The following STS variants were observed in gnomAD, a reference collection of about 807,000 sequenced individuals.
STS encodes steryl-sulfatase.
STS carries 7 observed loss-of-function variants against 26.8 expected under a neutral mutation model. That is an observed-to-expected ratio of 0.26 (90% CI 0.15 to 0.49). The LOEUF is 0.49. Among genes scored for constraint, STS ranks in the 20% least tolerant of loss-of-function variants. The probability of loss-of-function intolerance (pLI) is 0.98; values close to 1 mark genes in which losing one functional copy is unlikely to be tolerated. For synonymous variants in STS, 199 were observed against 189.4 expected, an observed-to-expected ratio of 1.05 and a Z score of -0.42; for missense variants, 434 against 465.6, an observed-to-expected ratio of 0.93 and a Z score of 0.63.
intron 2 of STS, among the ~76,000 whole-genome samples, chrX:7,199,633 A>G (rs1431882813): frequency 9.0e-6 from 1 of 111,288 alleles, no homozygotes; most frequent in Non-Finnish European, 1.9e-5. Flanking sequence ...ACACCTGATG[A>G]ATGGAGAGCC....
chrX:7,189,215 A>G (rs1005469496), intron 1 of STS, among the ~76,000 whole-genome samples: 10 of 111,844 alleles, frequency 8.9e-5, no homozygotes, highest in Non-Finnish European at 1.7e-4. Flanking sequence ...CAATAGATTT[A>G]TATATTAATA....
At position 7,276,072 on chromosome X, in the gene STS, A is replaced by T. The variant is rs199963364; in HGVS notation, c.928A>T (p.Met310Leu). The T allele has an allele frequency of 5.0e-6, 6 of 1,206,146 alleles. No individual in the cohort carries two copies. The East Asian group carries it at 1.8e-4, about 36-fold the overall frequency. ...HGVYGDAVEEMDWSVGQILNL... is the reference protein window; with the variant it reads ...HGVYGDAVEELDWSVGQILNL... ...AGTCTACGGGGATGCTGTTGAGGAA[A>T]TGGACTGGAGTGTGGGTACGTTTCT... The change falls in exon 7 of 11, where the codon ATG becomes TTG. Residue 310 changes from methionine to leucine, a missense_variant. Physicochemically the swap from Met to Leu is conservative, Grantham distance 15 (BLOSUM62 2). Around this residue, in one of 2 missense-constraint regions of STS, gnomAD observed 229 missense variants for 288.3 expected, o/e 0.79. Transcript: ENST00000674429.
At chrX:7,232,973 C>T (rs1179765082) in intron 2 of STS, among the ~76,000 whole-genome samples, 1 of 111,411 alleles carries the variant, frequency 9.0e-6, no homozygotes, top group African/African-American at 3.3e-5. Context: ...GTCTCTCCTT[C>T]GCCATCACCT....
At chrX:7,156,255 A>C (rs193045853) in intron 1 of STS, among the ~76,000 whole-genome samples, 1 of 110,828 alleles carries the variant, frequency 9.0e-6, no homozygotes, top group Non-Finnish European at 1.9e-5. Flanking sequence ...AGATGCATGC[A>C]TGTGTGGGTT....
intron 7 of STS, among the ~76,000 whole-genome samples, chrX:7,276,998 A>C (rs773351354): frequency 6.3e-5 from 7 of 111,645 alleles, no homozygotes; most frequent in Non-Finnish European, 1.3e-4. Flanking sequence ...GGGGTCTCTT[A>C]GCTGTACACA....
chrX:7,167,682 G>C (rs968248155), intron 1 of STS, among the ~76,000 whole-genome samples: 5 of 111,176 alleles, frequency 4.5e-5, no homozygotes, highest in African/African-American at 6.5e-5. Flanking sequence ...GCCCTATTAG[G>C]GCAGGCTCAC....
intron 2 of STS, among the ~76,000 whole-genome samples, chrX:7,195,597 A>C (rs1408062869): frequency 4.4e-5 from 5 of 112,650 alleles, no homozygotes; most frequent in African/African-American, 1.6e-4. Flanking sequence ...GACGTCTTAC[A>C]AACACTCCAG....
At chrX:7,159,387 G>A (rs1291124376) in intron 1 of STS, among the ~76,000 whole-genome samples, 1 of 111,836 alleles carries the variant, frequency 8.9e-6, no homozygotes, top group African/African-American at 3.2e-5. Flanking sequence ...TGTAACTCAC[G>A]TAACAAACAG....
intron 8 of STS, among the ~76,000 whole-genome samples, chrX:7,306,983 T>A (rs748793197): frequency 8.1e-5 from 9 of 111,571 alleles, no homozygotes; most frequent in Non-Finnish European, 1.5e-4. Context: ...TGCTTCTAGT[T>A]ACGTCTCTGT....
rs759779432 is a variant in STS at position 7,191,352 on chromosome X, T to C, written c.-5+344T>C. The stretch of plus-strand genomic sequence containing the variant: ...CTAGAGGAATATAGGTATGGGGGCT[T>C]ACAAATGATTTAATGCATCCTCTGG... On this transcript the variant is annotated intron_variant, in intron 2 of 10. Coordinates refer to ENST00000674429, the MANE Select transcript of STS (RefSeq NM_001320752.2). Among the ~76,000 whole-genome samples, 3 of 111,980 alleles carry C rather than the reference T, an allele frequency of 2.7e-5. No individual in the cohort carries two copies. The South Asian group carries it at 1.1e-3, about 42-fold the overall frequency.
intron 1 of STS, among the ~76,000 whole-genome samples, chrX:7,159,871 G>A (rs1000517310): frequency 3.6e-5 from 4 of 111,763 alleles, no homozygotes; most frequent in Non-Finnish European, 7.5e-5. Flanking sequence ...TGACTTTATT[G>A]CCAATGATGC....
At chrX:7,336,432 C>T (rs756881129) in intron 10 of STS, among the ~76,000 whole-genome samples, 2 of 111,883 alleles carry the variant, frequency 1.8e-5, no homozygotes, top group Non-Finnish European at 3.8e-5. Context: ...CATAAAATTA[C>T]AACCTTTCTA....
intron 2 of STS, among the ~76,000 whole-genome samples, chrX:7,237,312 CT>C (rs1175352072): frequency 1.8e-5 from 2 of 109,540 alleles, no homozygotes; most frequent in Admixed American, 2.0e-4. Context: ...CAAACACACA[CT>C]TTTTGTTGTT....
intron 2 of STS, among the ~76,000 whole-genome samples, chrX:7,203,122 A>G (rs900902144): frequency 1.7e-4 from 19 of 111,106 alleles, no homozygotes; most frequent in Admixed American, 5.8e-4. Context: ...GCCCTAGAAT[A>G]TTAGAGCTCC....
intron 8 of STS, among the ~76,000 whole-genome samples, chrX:7,310,262 T>A (rs1926416863): frequency 8.9e-6 from 1 of 112,275 alleles, no homozygotes; most frequent in Non-Finnish European, 1.9e-5. Context: ...CTGTTGACAT[T>A]TGAAAATGTT....
chrX:7,296,479 T>C (rs753338168), intron 7 of STS, among the ~76,000 whole-genome samples: 42 of 112,218 alleles, frequency 3.7e-4, no homozygotes, highest in Non-Finnish European at 6.2e-4. Flanking sequence ...GAAACCACTC[T>C]ATTGTGATGT....
chrX:7,249,583 C>T (rs1414706528), intron 2 of STS, among the ~76,000 whole-genome samples: 2 of 111,538 alleles, frequency 1.8e-5, no homozygotes, highest in Non-Finnish European at 3.8e-5. Context: ...AAGGGAACTG[C>T]TCGAGTAATT....
intron 2 of STS, among the ~76,000 whole-genome samples, chrX:7,226,532 T>C (rs1921812262): frequency 9.0e-6 from 1 of 111,548 alleles, no homozygotes; most frequent in Non-Finnish European, 1.9e-5. Flanking sequence ...TATATTCAAT[T>C]GTATAGGAAA....
intron 3 of STS, among the ~76,000 whole-genome samples, chrX:7,256,871 C>T (rs1458159677): frequency 3.6e-5 from 4 of 111,997 alleles, no homozygotes; most frequent in Non-Finnish European, 7.5e-5. Flanking sequence ...CCTCTCATCT[C>T]GCCTCTCTTT....
Sources: allele counts gnomAD v4.1 joint callset (sites outside exome capture counted in the v4.1 genomes callset), GRCh38; gene constraint gnomAD v4.1.1; regional missense constraint gnomAD v4.1.1; transcripts MANE v1.5; gene names NCBI Gene and HGNC (gene_info 2026-07-23, HGNC 2026-07-21).